Variants in ARHGEF3 observed in about 807,000 individuals in gnomAD.
ARHGEF3 encodes Rho guanine nucleotide exchange factor 3, also known as 59.8 kDA protein.
A neutral mutation model predicts 63.2 loss-of-function variants in ARHGEF3; 28 were observed. The observed-to-expected ratio is 0.44, with a 90% CI of 0.33 to 0.61. The LOEUF (loss-of-function observed/expected upper bound fraction) is 0.61, where lower values mean the gene tolerates loss of function less well. ARHGEF3 is among the 20% of genes least tolerant of loss of function. The pLI, the probability that ARHGEF3 is intolerant of heterozygous loss-of-function variation, is 0.03. For missense variants in ARHGEF3, 533 were observed against 659.3 expected (o/e 0.81, Z 2.10); for synonymous variants, 266 against 254.2 (o/e 1.05, Z -0.44).
At chr3:56,953,637 C>T (rs7641131) in intron 3 of ARHGEF3, among the ~76,000 whole-genome samples, 6,150 of 152,216 alleles carry the variant, frequency 0.04, 446 homozygotes, top group African/African-American at 0.14. Context: ...TCAAAGTACC[C>T]CATCTTCTTG....
rs139161623 is a variant in ARHGEF3, at chr3:56,962,755, C to A, written c.63-3866G>T. Reference sequence around the variant, plus strand: ...AGCTCATAATAGAAATGGAGAAATGCCCACAGTAGCAGAGAAAAATCAGCA... The same window carrying A: ...AGCTCATAATAGAAATGGAGAAATGACCACAGTAGCAGAGAAAAATCAGCA... On this transcript the variant is annotated intron_variant, in intron 2 of 12. Coordinates refer to the ARHGEF3 transcript ENST00000338458. Among the ~76,000 whole-genome samples the A allele has an allele frequency of 4.3e-3, 658 of 152,194 alleles. 4 individuals carry two copies. The highest frequency in any genetic ancestry group is 0.015 in the African/African-American group (630 of 41,524).
At chr3:57,015,572 T>A (rs780389197) in intron 2 of ARHGEF3, among the ~76,000 whole-genome samples, 1 of 151,300 alleles carries the variant, frequency 6.6e-6, no homozygotes, top group African/African-American at 2.4e-5. Context: ...TAGGTAGGAC[T>A]GCAGGCGGAC....
chr3:57,060,236 G>A (rs1011486014), intron 1 of ARHGEF3, among the ~76,000 whole-genome samples: 2 of 151,092 alleles, frequency 1.3e-5, no homozygotes, highest in Non-Finnish European at 2.9e-5. Flanking sequence ...GGGAGGTCAA[G>A]GCTGCAGGGA....
intron 4 of ARHGEF3, among the ~76,000 whole-genome samples, chr3:56,870,200 G>A (rs916926315): frequency 6.6e-6 from 1 of 152,016 alleles, no homozygotes. Flanking sequence ...ATAATAAGCA[G>A]CAGTTTAAAA....
chr3:56,923,048 ATATATATATATATATATATATAT>A (rs748668815), intron 3 of ARHGEF3, among the ~76,000 whole-genome samples: 35,011 of 79,142 alleles, frequency 0.44, 5,472 homozygotes, highest in East Asian at 0.59. Flanking sequence ...ATATATATAT[ATATATATATATATATATATATAT>A]ATATAAATTA....
chr3:56,747,588 A>G (rs1008315205), intron 6 of ARHGEF3, among the ~76,000 whole-genome samples: 1 of 152,184 alleles, frequency 6.6e-6, no homozygotes, highest in Non-Finnish European at 1.5e-5. Flanking sequence ...CTGTAATCAT[A>G]TTACTTTGGG....
At chr3:56,954,114 G>A (rs1022003502) in intron 3 of ARHGEF3, among the ~76,000 whole-genome samples, 1 of 152,196 alleles carries the variant, frequency 6.6e-6, no homozygotes, top group East Asian at 1.9e-4. Flanking sequence ...ACCAGGCACT[G>A]GAGAAGGAGA....
chr3:56,758,307 A>T (rs1321205461), intron 2 of ARHGEF3, among the ~76,000 whole-genome samples: 1 of 150,562 alleles, frequency 6.6e-6, no homozygotes, highest in Non-Finnish European at 1.5e-5. Flanking sequence ...ATAGAAAATG[A>T]GGCGGGGCTT....
intron 2 of ARHGEF3, among the ~76,000 whole-genome samples, chr3:56,763,587 G>C (rs970506537): frequency 6.6e-6 from 1 of 152,172 alleles, no homozygotes; most frequent in Non-Finnish European, 1.5e-5. Flanking sequence ...TAATGATAAG[G>C]AGAGAGCCTC....
intron 4 of ARHGEF3, among the ~76,000 whole-genome samples, chr3:56,852,514 G>T (rs564983233): frequency 6.6e-6 from 1 of 152,068 alleles, no homozygotes; most frequent in African/African-American, 2.4e-5. Flanking sequence ...GCGTGTACAC[G>T]TGCACACACA....
At position 56,737,414 on chromosome 3, in the gene ARHGEF3, G is replaced by T. The variant is rs139928324; in HGVS notation, c.871-59C>A. On this transcript the variant is annotated intron_variant, in intron 7 of 9. Transcript: ENST00000296315. ...GAAAGCAGCAAACCATTCACACCAA[G>T]TCTTAGGGGCTCAGCCTAGAAGGAC... 1,668 of 1,433,240 alleles carry T rather than the reference G, an allele frequency of 1.2e-3. 9 individuals are homozygous for T. In the African/African-American group the frequency reaches 0.021, roughly 18 times the overall value. 88.8% of individuals were successfully genotyped at this position (1,433,240 alleles called of 1,614,324 possible). A position where few individuals can be genotyped will look rare whatever the true frequency, so the allele number is the denominator to read the frequency against.
At chr3:56,966,827 C>A (rs1700514240) in intron 2 of ARHGEF3, among the ~76,000 whole-genome samples, 1 of 150,990 alleles carries the variant, frequency 6.6e-6, no homozygotes, top group Admixed American at 6.6e-5. Context: ...ATTCTCCACC[C>A]TCTGTCAGCC....
intron 4 of ARHGEF3, among the ~76,000 whole-genome samples, chr3:56,874,509 C>T (rs1249116020): frequency 6.6e-6 from 1 of 152,172 alleles, no homozygotes; most frequent in Non-Finnish European, 1.5e-5. Context: ...GCTGCTATTC[C>T]GTGCCTGGTT....
upstream of ARHGEF3, chr3:56,802,107 C>T (rs2037690165): frequency 1.1e-6 from 1 of 917,526 alleles, no homozygotes. Context: ...GGCGGTCCCG[C>T]GGGTGGAGAG....
chr3:56,756,172 G>C (rs2035055625), intron 2 of ARHGEF3, among the ~76,000 whole-genome samples: 1 of 152,178 alleles, frequency 6.6e-6, no homozygotes, highest in African/African-American at 2.4e-5. Flanking sequence ...AAATGATCCA[G>C]AAGAAAGCTG....
rs115238658 is a variant in ARHGEF3 at position 56,929,702 on chromosome 3, C to T, written c.129+29121G>A. On this transcript the variant is annotated intron_variant, in intron 3 of 12. Transcript: ENST00000338458. ...ACAAGTGGTGACTTCATTCTAAGAGCAAATAAGTAAACTCAAACACTATGT... is the reference window on the plus strand; with the variant it reads ...ACAAGTGGTGACTTCATTCTAAGAGTAAATAAGTAAACTCAAACACTATGT... Among the ~76,000 whole-genome samples the T allele has an allele frequency of 6.4e-3, 972 of 152,264 alleles. 15 individuals are homozygous for T. Among genetic ancestry groups the T allele is most frequent in the African/African-American group, 0.022 (911 of 41,526 alleles).
At chr3:56,924,410 T>C (rs569241557) in intron 3 of ARHGEF3, among the ~76,000 whole-genome samples, 81 of 152,102 alleles carry the variant, frequency 5.3e-4, no homozygotes, top group Non-Finnish European at 1.0e-3. Context: ...AGGAAAGGGG[T>C]CCTGATCCAG....
chr3:56,801,892 G>GGGCGGC lies in ARHGEF3; in HGVS notation c.-100_-95dup, dbSNP rs1213192604. ...AAGGGGGCCCCAGCTCCACGATGCC[G>GGGCGGC]GGCGGCGGCGGCGACACGGAGACCG... On this transcript the variant is annotated 5_prime_UTR_variant, in exon 1 of 10. Transcript: ENST00000296315. 3 of 1,547,300 alleles carry GGGCGGC rather than the reference G, an allele frequency of 1.9e-6. No individual in the cohort carries two copies. The highest frequency in any genetic ancestry group is 2.6e-6 in the Non-Finnish European group (3 of 1,146,578).
intron 4 of ARHGEF3, among the ~76,000 whole-genome samples, chr3:56,874,669 G>A (rs2040530144): frequency 6.6e-6 from 1 of 152,166 alleles, no homozygotes; most frequent in Non-Finnish European, 1.5e-5. Flanking sequence ...GGGGATGCCT[G>A]TCATAAACCT....
Sources: gnomAD v4.1 joint callset for allele counts (sites outside exome capture counted in the v4.1 genomes callset) on GRCh38, gnomAD v4.1.1 for gene constraint, MANE v1.5 for transcripts, NCBI Gene and HGNC (gene_info 2026-07-23, HGNC 2026-07-21) for gene names.